PCDH19: variants seen among roughly 807,000 people sequenced by gnomAD.
PCDH19 encodes protocadherin 19.
In PCDH19, 6 loss-of-function variants were observed where a neutral mutation model predicts 46.2. That is an observed-to-expected ratio of 0.13 (90% CI 0.07 to 0.26). The LOEUF is 0.26. Ranked by LOEUF, PCDH19 falls within the 10% of genes least tolerant of loss-of-function variation. The pLI is 1.00. For missense variants in PCDH19, 740 were observed against 972.3 expected (o/e 0.76, Z 3.18); for synonymous variants, 481 against 415.7 (o/e 1.16, Z -1.91).
intron 5 of PCDH19, among the ~76,000 whole-genome samples, chrX:100,326,692 A>G (rs985972516): frequency 8.9e-6 from 1 of 112,108 alleles, no homozygotes; most frequent in African/African-American, 3.2e-5. Flanking sequence ...GTAAATGAAC[A>G]CAACCTCTTT....
In PCDH19 at chrX:100,296,467, G is replaced by A. The variant is rs1280736508; in HGVS notation, c.3257C>T (p.Ala1086Val). Residue 1086 changes from alanine (A) to valine (V), a missense_variant, in exon 6 of 6, where the codon GCC (alanine) becomes GTC (valine). Physicochemically the swap from Ala to Val is moderately conservative, Grantham distance 64. This residue lies in a region of PCDH19 where 416 missense variants were observed against 476.8 expected (regional missense o/e 0.87). Transcript: ENST00000373034. ...CAGATCACGGGCTGGGGGAGCCAGG[G>A]CAATGGTGTAAGACACGGAAGGCTT... Reference protein sequence around the residue: ...PTKPSVSYTIALAPPARDLEQ... With the variant: ...PTKPSVSYTIVLAPPARDLEQ... The A allele has an allele frequency of 8.3e-7, 1 of 1,211,587 alleles. No individual in the cohort carries two copies. The highest frequency in any genetic ancestry group is 1.1e-6 in the Non-Finnish European group (1 of 895,442).
rs1299132821 is a variant in PCDH19, at chrX:100,293,634, A to G, written c.*2643T>C. 1 of 111,643 alleles carries G rather than the reference A, an allele frequency of 9.0e-6. No homozygotes were observed. Among genetic ancestry groups the G allele is most frequent in the Non-Finnish European group, 1.9e-5 (1 of 53,181 alleles). The allele number at this position is 111,643 out of a possible 1,213,427, so 9.2% of individuals were successfully genotyped here. A position where few individuals can be genotyped will look rare whatever the true frequency, so the allele number is the denominator to read the frequency against. ...CCTAGTATGCACTTGTGCTTCTGAG[A>G]GGACTCATACATCAGACAATTGTGG... On this transcript the variant is annotated 3_prime_UTR_variant, in exon 6 of 6. Transcript: ENST00000373034.
chrX:100,338,391 G>A (rs1440123599), intron 5 of PCDH19, among the ~76,000 whole-genome samples: 1 of 104,374 alleles, frequency 9.6e-6, no homozygotes, highest in Admixed American at 1.0e-4. Flanking sequence ...GAGTGGTAGT[G>A]CGCATCTGTA....
In PCDH19 at chrX:100,410,262, C is replaced by T. The variant is rs1928562571; in HGVS notation, c.-1665G>A. ...ACTGCTGCTGCTGCTCCTCCGGATG[C>T]CGCAAACTACTGGCCGCGGAGTCTG... On this transcript the variant is annotated 5_prime_UTR_variant, in exon 1 of 6. Coordinates refer to ENST00000373034, the MANE Select transcript of PCDH19 (RefSeq NM_001184880.2). 2 of 296,376 alleles carry T rather than the reference C, an allele frequency of 6.7e-6. No individual in the cohort carries two copies. Among genetic ancestry groups the T allele is most frequent in the African/African-American group, 5.5e-5 (2 of 36,609 alleles). The allele number at this position is 296,376 out of a possible 1,213,427, so 24.4% of individuals were successfully genotyped here.
At chrX:100,330,328 G>A (rs1925838406) in intron 5 of PCDH19, among the ~76,000 whole-genome samples, 1 of 112,230 alleles carries the variant, frequency 8.9e-6, no homozygotes, top group East Asian at 2.8e-4. Context: ...GAGACTGAAA[G>A]AGGAGGAAAG....
At chrX:100,317,904 C>T (rs1925359859) in intron 5 of PCDH19, among the ~76,000 whole-genome samples, 1 of 112,141 alleles carries the variant, frequency 8.9e-6, no homozygotes. Context: ...GTTTTTAATA[C>T]TGCTAAGTTT....
Position 100,361,789 on chromosome X carries a change from A to G in PCDH19, c.2617-11085T>C, listed in dbSNP as rs376222470. Among the ~76,000 whole-genome samples, 70 of 111,029 alleles carry G rather than the reference A, an allele frequency of 6.3e-4. No individual in the cohort carries two copies. In the South Asian group the frequency reaches 0.013, roughly 21 times the overall value. ...TCCTGCCAGGTCCTGCGCTCACACC[A>G]CTAGGCCACACCTCATTAGGATTCT... On this transcript the variant is annotated intron_variant, in intron 3 of 5. Transcript: ENST00000373034.
At position 100,402,846 on chromosome X, in the gene PCDH19, G is replaced by C; in HGVS notation, c.2294C>G (p.Ala765Gly). 8.3e-7 allele frequency: 1 copy of C among 1,200,005 alleles called. No homozygotes were observed. Among genetic ancestry groups the C allele is most frequent in the Non-Finnish European group, 1.1e-6 (1 of 885,558 alleles). The stretch of plus-strand genomic sequence containing the variant: ...CTTTTGATGCCCATAGGAGTACTCA[G>C]CAATTCTATGTGACAGAAAAGGCAG... ...EKVSLRGKRIAEYSYGHQKKS... is the reference protein window; with the variant it reads ...EKVSLRGKRIGEYSYGHQKKS... The change falls in exon 3 of 6, where the codon GCT becomes GGT. Residue 765 changes from alanine to glycine, a missense_variant. This residue lies in a region of PCDH19 where 416 missense variants were observed against 476.8 expected (regional missense o/e 0.87). Transcript: ENST00000373034.
chrX:100,394,137 A>T (rs918684395), intron 3 of PCDH19, among the ~76,000 whole-genome samples: 2 of 112,070 alleles, frequency 1.8e-5, no homozygotes, highest in South Asian at 7.5e-4. Context: ...ACTGCACTAC[A>T]GCCTAGGTGA....
intron 5 of PCDH19, among the ~76,000 whole-genome samples, chrX:100,312,193 G>C (rs1327213179): frequency 3.6e-5 from 4 of 110,622 alleles, no homozygotes; most frequent in Non-Finnish European, 5.7e-5. Flanking sequence ...GGAGACAAAG[G>C]GTGTAAAAGG....
intron 5 of PCDH19, among the ~76,000 whole-genome samples, chrX:100,304,576 T>C (rs1924880663): frequency 8.9e-6 from 1 of 111,962 alleles, no homozygotes; most frequent in Non-Finnish European, 1.9e-5. Flanking sequence ...AGGAGAAATT[T>C]CTGAATTGCC....
intron 3 of PCDH19, among the ~76,000 whole-genome samples, chrX:100,379,308 C>A (rs938384170): frequency 2.6e-4 from 1 of 3,891 alleles, no homozygotes; most frequent in East Asian, 0.053. Flanking sequence ...GTCACATACA[C>A]ACACACACAC....
chrX:100,303,230 A>T lies in PCDH19; in HGVS notation c.2849-6355T>A, dbSNP rs777875851. Among the ~76,000 whole-genome samples, 5 of 110,105 alleles carry T rather than the reference A, an allele frequency of 4.5e-5. No individual in the cohort carries two copies. The East Asian group carries it at 1.4e-3, about 32-fold the overall frequency. ...CACTATTATCAATCCCATCTCTGTA[A>T]CTTAACAAGGCAAGTAAAGCAGCAA... On this transcript the variant is annotated intron_variant, in intron 5 of 5. Coordinates refer to ENST00000373034, the MANE Select transcript of PCDH19 (RefSeq NM_001184880.2).
At chrX:100,370,460 T>C (rs4827865) in intron 3 of PCDH19, among the ~76,000 whole-genome samples, 22,133 of 111,513 alleles carry the variant, frequency 0.2, 2,143 homozygotes, top group Non-Finnish European at 0.3. Context: ...CCTGACCTAA[T>C]CTTTTGTTCT....
chrX:100,354,268 T>C (rs1926649902), intron 3 of PCDH19, among the ~76,000 whole-genome samples: 1 of 112,011 alleles, frequency 8.9e-6, no homozygotes, highest in Non-Finnish European at 1.9e-5. Flanking sequence ...CATCAGATCA[T>C]CCTGAAGAAG....
Position 100,409,902 on chromosome X carries a change from G to T in PCDH19, c.-1305C>A. 1 of 320,210 alleles carries T rather than the reference G, an allele frequency of 3.1e-6. No homozygotes were observed. Among genetic ancestry groups the T allele is most frequent in the Non-Finnish European group, 5.3e-6 (1 of 187,063 alleles). 26.4% of individuals were successfully genotyped at this position (320,210 alleles called of 1,213,427 possible). On this transcript the variant is annotated 5_prime_UTR_variant, in exon 1 of 6. Coordinates refer to ENST00000373034, the MANE Select transcript of PCDH19 (RefSeq NM_001184880.2). ...GCTGCGTTGGGCTCCCTTCCTCCCG[G>T]GCGCTCGCGCACTCGGGAGGTCTGT... is the stretch of plus-strand genomic sequence containing the variant.
At chrX:100,376,235 C>CAAAAAAAAAAAAAAAAAAAA (rs1171817638) in intron 3 of PCDH19, among the ~76,000 whole-genome samples, 1 of 32,936 alleles carries the variant, frequency 3.0e-5, no homozygotes, top group Non-Finnish European at 5.6e-5. Context: ...AACTCCGTCT[C>CAAAAAAAAAAAAAAAAAAAA]AAAAAAAAAA....
At chrX:100,371,003 G>GTA (rs1211836576) in intron 3 of PCDH19, among the ~76,000 whole-genome samples, 4 of 109,193 alleles carry the variant, frequency 3.7e-5, no homozygotes. Flanking sequence ...ATGTGTGTGT[G>GTA]TGTGTGTGTG....
At chrX:100,324,174 A>G (rs1003917784) in intron 5 of PCDH19, among the ~76,000 whole-genome samples, 11 of 112,015 alleles carry the variant, frequency 9.8e-5, no homozygotes, top group Non-Finnish European at 2.1e-4. Context: ...CGATCAGACA[A>G]TTAAGTACCC....
Sources: allele counts gnomAD v4.1 joint callset (sites outside exome capture counted in the v4.1 genomes callset), GRCh38; gene constraint gnomAD v4.1.1; regional missense constraint gnomAD v4.1.1; transcripts MANE v1.5; gene names NCBI Gene and HGNC (gene_info 2026-07-23, HGNC 2026-07-21).